Variants in TRMT10A observed in about 807,000 individuals in gnomAD.
The protein encoded by TRMT10A is tRNA methyltransferase 10A.
TRMT10A carries 37 observed loss-of-function variants against 40.4 expected under a neutral mutation model. That is an observed-to-expected ratio of 0.92 (90% CI 0.71 to 1.21). The LOEUF (loss-of-function observed/expected upper bound fraction) is 1.21. Among genes scored for constraint, TRMT10A ranks in the 50% most tolerant of loss-of-function variants. The probability of loss-of-function intolerance (pLI) is 0.00; values close to 1 mark genes in which losing one functional copy is unlikely to be tolerated. For missense variants in TRMT10A, 388 were observed against 404.3 expected (o/e 0.96, Z 0.35); for synonymous variants, 103 against 134.1 (o/e 0.77, Z 1.60).
intron 3 of TRMT10A, 31 bp from the exon 4 acceptor site, chr4:99,557,447 T>G: frequency 6.3e-7 from 1 of 1,596,104 alleles, no homozygotes; most frequent in Non-Finnish European, 8.6e-7. Context: ...TAAAGCAAAG[T>G]TATTAAAATT....
chr4:99,556,443 C>A (rs1352367351), intron 4 of TRMT10A, among the ~76,000 whole-genome samples: 1 of 152,116 alleles, frequency 6.6e-6, no homozygotes, highest in Non-Finnish European at 1.5e-5. Context: ...TGCAGTATCC[C>A]ATTTACATTT....
In TRMT10A at chr4:99,548,637, G is replaced by C. The variant is rs1560595864; in HGVS notation, c.*451C>G. On this transcript the variant is annotated 3_prime_UTR_variant, in exon 8 of 8. Transcript: ENST00000394876. ...AATTTAAACATAAAAGCTGCAAATA[G>C]AGGGTAACCTACCATACACAAATGC... is the stretch of plus-strand genomic sequence containing the variant. 1 of 152,496 alleles carries C rather than the reference G, an allele frequency of 6.6e-6. No individual in the cohort carries two copies. The highest frequency in any genetic ancestry group is 2.4e-5 in the African/African-American group (1 of 41,436). 9.4% of individuals were successfully genotyped at this position (152,496 alleles called of 1,614,324 possible). A position where few individuals can be genotyped will look rare whatever the true frequency, so the allele number is the denominator to read the frequency against.
chr4:99,556,722 T>G (rs1246965227), intron 4 of TRMT10A, among the ~76,000 whole-genome samples: 2 of 152,140 alleles, frequency 1.3e-5, no homozygotes, highest in Non-Finnish European at 2.9e-5. Flanking sequence ...AATACAAAAT[T>G]ACTATCACTT....
At chr4:99,562,515 CTTTT>C (rs67816425) in intron 1 of TRMT10A, among the ~76,000 whole-genome samples, 45 of 76,650 alleles carry the variant, frequency 5.9e-4, no homozygotes, top group East Asian at 3.4e-3. Flanking sequence ...AAAGGAATGC[CTTTT>C]TTTTTTTTTT....
chr4:99,563,679 G>C (rs1292271014), intron 1 of TRMT10A: 1 of 335,854 alleles, frequency 3.0e-6, no homozygotes, highest in Non-Finnish European at 5.9e-6. Flanking sequence ...GCATTTCAGA[G>C]ACGGGATTAA....
At position 99,547,002 on chromosome 4, in the gene TRMT10A, T is replaced by A. The variant is rs1723760792; in HGVS notation, c.*2086A>T. The A allele has an allele frequency of 1.3e-5, 2 of 151,868 alleles. No homozygotes were observed. The highest frequency in any genetic ancestry group is 4.2e-4 in the South Asian group (2 of 4,806). 9.4% of individuals were successfully genotyped at this position (151,868 alleles called of 1,614,324 possible). A position where few individuals can be genotyped will look rare whatever the true frequency, so the allele number is the denominator to read the frequency against. On this transcript the variant is annotated 3_prime_UTR_variant, in exon 8 of 8. Coordinates refer to ENST00000394876, the MANE Select transcript of TRMT10A (RefSeq NM_001134665.3). Reference sequence around the variant, plus strand: ...GTAGAATTGTGTCCCCCAAAAGATATGTCAAATCCTAACACATGGTACCCT... The same window carrying A: ...GTAGAATTGTGTCCCCCAAAAGATAAGTCAAATCCTAACACATGGTACCCT...
chr4:99,557,472 T>C (rs929377630), intron 3 of TRMT10A, 56 bp from the exon 4 acceptor site: 1 of 1,491,498 alleles, frequency 6.7e-7, no homozygotes, highest in South Asian at 1.2e-5. Flanking sequence ...ATGGCCATTC[T>C]ATGATCTTAA....
intron 1 of TRMT10A, 181 bp downstream of exon 1, chr4:99,563,732 G>T (rs1724563919): frequency 2.5e-6 from 1 of 402,734 alleles, no homozygotes; most frequent in African/African-American, 2.1e-5. Context: ...AGGCCGCGGG[G>T]GGCGCCTGTC....
At chr4:99,553,305 C>T (rs1284655302) in intron 6 of TRMT10A, among the ~76,000 whole-genome samples, 1 of 151,916 alleles carries the variant, frequency 6.6e-6, no homozygotes, top group Non-Finnish European at 1.5e-5. Context: ...AATTTTTCAT[C>T]CAAATAAAGG....
chr4:99,561,598 ATACTT>A (rs1724399980), intron 1 of TRMT10A, among the ~76,000 whole-genome samples: 3 of 152,364 alleles, frequency 2.0e-5, no homozygotes, highest in African/African-American at 7.2e-5. Flanking sequence ...TCCGTATAGT[ATACTT>A]TACAAAGATA....
At chr4:99,563,718 G>A in intron 1 of TRMT10A, 195 bp downstream of exon 1, 1 of 391,272 alleles carries the variant, frequency 2.6e-6, no homozygotes. Flanking sequence ...GGGAGCAGCT[G>A]GGTAGGCCGC....
At position 99,564,020 on chromosome 4, in the gene TRMT10A, A is replaced by G; in HGVS notation, c.-131T>C. ...CACAGAAACTTCAATTCCCAGAGGC[A>G]GGGGCGGTAGTTACGCAGTGGAGGC... On this transcript the variant is annotated 5_prime_UTR_variant, in exon 1 of 8. Coordinates refer to ENST00000394876, the MANE Select transcript of TRMT10A (RefSeq NM_001134665.3). 6.7e-7 allele frequency: 1 copy of G among 1,500,320 alleles called. No individual in the cohort carries two copies. Among genetic ancestry groups the G allele is most frequent in the Non-Finnish European group, 9.0e-7 (1 of 1,115,634 alleles). The allele number at this position is 1,500,320 out of a possible 1,614,324, so 92.9% of individuals were successfully genotyped here.
Position 99,546,858 on chromosome 4 carries a change from A to G in TRMT10A, c.*2230T>C, listed in dbSNP as rs1723756113. 1 of 152,124 alleles carries G rather than the reference A, an allele frequency of 6.6e-6. No individual in the cohort carries two copies. The highest frequency in any genetic ancestry group is 6.6e-5 in the Admixed American group (1 of 15,264). 9.4% of individuals were successfully genotyped at this position (152,124 alleles called of 1,614,324 possible). A position where few individuals can be genotyped will look rare whatever the true frequency, so the allele number is the denominator to read the frequency against. ...AAAAGTATACATGCAAATGAGCAAA[A>G]AGCTTAATATTTTTAAAACCAAATT... On this transcript the variant is annotated 3_prime_UTR_variant, in exon 8 of 8. Transcript: ENST00000394876.
intron 1 of TRMT10A, among the ~76,000 whole-genome samples, chr4:99,560,730 A>G (rs1234077013): frequency 1.3e-5 from 2 of 152,144 alleles, no homozygotes; most frequent in Admixed American, 1.3e-4. Context: ...CCTTTCTTGC[A>G]ATACACAATA....
At chr4:99,554,337 CG>C (rs1560600132) in intron 5 of TRMT10A, among the ~76,000 whole-genome samples, 1 of 152,154 alleles carries the variant, frequency 6.6e-6, no homozygotes, top group Non-Finnish European at 1.5e-5. Flanking sequence ...ACAAAACAAA[CG>C]CATTTTTACT....
intron 1 of TRMT10A, among the ~76,000 whole-genome samples, chr4:99,560,782 C>A (rs1038482603): frequency 6.6e-6 from 1 of 151,876 alleles, no homozygotes; most frequent in Non-Finnish European, 1.5e-5. Context: ...AAAACGACAC[C>A]GAGTGGAGGA....
intron 2 of TRMT10A, among the ~76,000 whole-genome samples, chr4:99,558,609 A>T (rs1724260668): frequency 6.6e-6 from 1 of 152,072 alleles, no homozygotes; most frequent in Non-Finnish European, 1.5e-5. Flanking sequence ...ATTGTTCATT[A>T]AAAAAATTAC....
At position 99,558,170 on chromosome 4, in the gene TRMT10A, C is replaced by T. The variant is rs780016984; in HGVS notation, c.227G>A (p.Arg76Gln). 47 of 1,600,920 alleles carry T rather than the reference C, an allele frequency of 2.9e-5. No individual in the cohort carries two copies. The highest frequency in any genetic ancestry group is 4.5e-5 in the East Asian group (2 of 44,714). The change falls in exon 3 of 8, where the codon CGA becomes CAA. Residue 76 changes from arginine (R) to glutamine (Q), a missense_variant. Transcript: ENST00000394876. Reference sequence around the variant, plus strand: ...TGAGTTTGGTTCCATTTGACATTGTCGCTCTAATTTTTTCCTCTTGCGTTT... The same window carrying T: ...TGAGTTTGGTTCCATTTGACATTGTTGCTCTAATTTTTTCCTCTTGCGTTT... ...KEKRKRKKLE[R>Q]QCQMEPNSDG...
At chr4:99,551,335 C>T (rs1289200690) in intron 6 of TRMT10A, among the ~76,000 whole-genome samples, 1 of 152,124 alleles carries the variant, frequency 6.6e-6, no homozygotes, top group Non-Finnish European at 1.5e-5. Context: ...CCCATTCTAC[C>T]CTGCCTTTAT....
Sources: allele counts gnomAD v4.1 joint callset (sites outside exome capture counted in the v4.1 genomes callset), GRCh38; gene constraint gnomAD v4.1.1; transcripts MANE v1.5; gene names NCBI Gene and HGNC (gene_info 2026-07-23, HGNC 2026-07-21).